The following THRB variants were observed in gnomAD, a reference collection of about 807,000 sequenced individuals.
THRB encodes thyroid hormone receptor beta.
In THRB, 12 loss-of-function variants were observed where a neutral mutation model predicts 47.8. That is an observed-to-expected ratio of 0.25 (90% CI 0.16 to 0.41). THRB has a LOEUF of 0.41. Among genes scored for constraint, THRB ranks in the 10% least tolerant of loss-of-function variants. The pLI is 1.00. For missense variants in THRB, 348 were observed against 589.2 expected (o/e 0.59, Z 4.24); for synonymous variants, 218 against 212.2 (o/e 1.03, Z -0.24).
intron 1 of THRB, among the ~76,000 whole-genome samples, chr3:24,411,276 G>C (rs1224853857): frequency 6.6e-6 from 1 of 151,774 alleles, no homozygotes; most frequent in Non-Finnish European, 1.5e-5. Flanking sequence ...AAAAATATTA[G>C]ATTAAAATTC....
intron 3 of THRB, among the ~76,000 whole-genome samples, chr3:24,255,524 C>T (rs893365243): frequency 6.6e-6 from 1 of 152,180 alleles, no homozygotes; most frequent in African/African-American, 2.4e-5. Context: ...TGGGCTCTCA[C>T]TTAGATAAGG....
At chr3:24,159,286 T>C (rs1057384305) in intron 5 of THRB, among the ~76,000 whole-genome samples, 1 of 151,780 alleles carries the variant, frequency 6.6e-6, no homozygotes, top group Non-Finnish European at 1.5e-5. Context: ...GCTATACTGC[T>C]CTCCCTGCAG....
intron 8 of THRB, among the ~76,000 whole-genome samples, chr3:24,136,454 C>A (rs2034689365): frequency 6.6e-6 from 1 of 151,960 alleles, no homozygotes; most frequent in African/African-American, 2.4e-5. Context: ...GCAGTGAAAC[C>A]CTGTTTGTTA....
At chr3:24,462,087 A>G (rs2073751987) in intron 1 of THRB, among the ~76,000 whole-genome samples, 1 of 152,176 alleles carries the variant, frequency 6.6e-6, no homozygotes. Context: ...TGACAAGACA[A>G]TAGGTGAGTT....
chr3:24,341,334 G>A (rs989810539), intron 1 of THRB, among the ~76,000 whole-genome samples: 3 of 148,306 alleles, frequency 2.0e-5, no homozygotes, highest in East Asian at 2.0e-4. Context: ...TGGCTCAAGC[G>A]ATTCTCCTGC....
intron 1 of THRB, among the ~76,000 whole-genome samples, chr3:24,361,613 CAAG>C (rs1452447079): frequency 1.3e-5 from 2 of 152,000 alleles, no homozygotes; most frequent in Non-Finnish European, 2.9e-5. Context: ...AAAGGAGACC[CAAG>C]AAGAAAAACT....
chr3:24,271,235 A>G (rs774699711), intron 3 of THRB, among the ~76,000 whole-genome samples: 31 of 152,198 alleles, frequency 2.0e-4, no homozygotes, highest in Admixed American at 3.3e-4. Flanking sequence ...AAACCAGAGC[A>G]TTTTATTCCT....
chr3:24,261,037 A>T (rs908137172), intron 3 of THRB, among the ~76,000 whole-genome samples: 4 of 122,904 alleles, frequency 3.3e-5, no homozygotes, highest in Non-Finnish European at 5.0e-5. Context: ...GTCTGGGCCC[A>T]CACCTGGTCC....
At chr3:24,494,174 G>A (rs1698648093) in intron 1 of THRB, 2 of 152,356 alleles carry the variant, frequency 1.3e-5, no homozygotes, top group Admixed American at 1.3e-4. Flanking sequence ...GCGAAAAAGG[G>A]GGGATGGGAG....
At chr3:24,125,465 AAATT>A (rs1470698054) in intron 10 of THRB, among the ~76,000 whole-genome samples, 3 of 152,232 alleles carry the variant, frequency 2.0e-5, no homozygotes, top group African/African-American at 7.2e-5. Flanking sequence ...TCAGCTAAAA[AAATT>A]ACCATGAGTC....
intron 4 of THRB, among the ~76,000 whole-genome samples, chr3:24,194,896 G>A (rs1231218006): frequency 4.6e-5 from 7 of 152,304 alleles, no homozygotes; most frequent in South Asian, 2.1e-4. Context: ...GGTAAGCTGC[G>A]TAGGCTGGGA....
chr3:24,398,302 G>A (rs547529634), intron 1 of THRB, among the ~76,000 whole-genome samples: 10 of 152,232 alleles, frequency 6.6e-5, no homozygotes, highest in East Asian at 1.9e-4. Flanking sequence ...GCAACCTACA[G>A]AATGGGAGAA....
intron 1 of THRB, among the ~76,000 whole-genome samples, chr3:24,340,446 T>C (rs1392560725): frequency 6.6e-6 from 1 of 151,838 alleles, no homozygotes; most frequent in African/African-American, 2.4e-5. Flanking sequence ...CACTAAATCA[T>C]ATGAAGCCTG....
intron 1 of THRB, among the ~76,000 whole-genome samples, chr3:24,477,508 G>A (rs959865380): frequency 4.6e-5 from 7 of 152,038 alleles, no homozygotes; most frequent in Admixed American, 1.3e-4. Flanking sequence ...TCTAGATTCT[G>A]TATTTCTAAT....
At chr3:24,419,615 T>C (rs2069059098) in intron 1 of THRB, among the ~76,000 whole-genome samples, 1 of 152,068 alleles carries the variant, frequency 6.6e-6, no homozygotes, top group Non-Finnish European at 1.5e-5. Context: ...TCCGAGTTCA[T>C]TGCTCTGCAG....
intron 3 of THRB, among the ~76,000 whole-genome samples, chr3:24,247,234 CAT>C (rs1362750299): frequency 1.3e-5 from 2 of 152,206 alleles, no homozygotes; most frequent in East Asian, 1.9e-4. Context: ...ACATCTTACA[CAT>C]GTGTGCACGG....
rs186598447 is a variant in THRB, at chr3:24,337,808, G to A, written c.-260-437C>T. On this transcript the variant is annotated intron_variant, in intron 1 of 10. Transcript: ENST00000646209. The stretch of plus-strand genomic sequence containing the variant: ...GTCTCAACATATAAGAGCTGCAATT[G>A]AGCTGTCGGGTGGGGCACTGCCATA... Among the ~76,000 whole-genome samples the A allele has an allele frequency of 2.3e-3, 353 of 152,258 alleles. 3 individuals carry two copies. The highest frequency in any genetic ancestry group is 7.8e-3 in the African/African-American group (323 of 41,534).
chr3:24,421,667 A>G (rs2069276949), intron 1 of THRB, among the ~76,000 whole-genome samples: 1 of 151,912 alleles, frequency 6.6e-6, no homozygotes, highest in South Asian at 2.1e-4. Flanking sequence ...AATGGACAGA[A>G]TCTCCATCAT....
intron 2 of THRB, among the ~76,000 whole-genome samples, chr3:24,337,060 T>C (rs1352144393): frequency 3.3e-5 from 5 of 152,208 alleles, no homozygotes; most frequent in Admixed American, 6.5e-5. Context: ...GAAAATGGGC[T>C]CTTTTCTCTC....
Sources: allele counts gnomAD v4.1 joint callset (sites outside exome capture counted in the v4.1 genomes callset), GRCh38; gene constraint gnomAD v4.1.1; transcripts MANE v1.5; gene names NCBI Gene and HGNC (gene_info 2026-07-23, HGNC 2026-07-21).